DCAF5: variants seen among roughly 807,000 people sequenced by gnomAD.
DCAF5 encodes DDB1 and CUL4 associated factor 5, also known as DDB1- and CUL4-associated factor 5.
Under a neutral mutation model 80.7 loss-of-function variants are expected in DCAF5, and 9 were observed. The observed-to-expected ratio is 0.11, with a 90% confidence interval of 0.07 to 0.19. DCAF5 has a LOEUF of 0.19. Ranked by LOEUF, DCAF5 falls within the 10% of genes least tolerant of loss-of-function variation. The pLI is 1.00. For synonymous variants in DCAF5, 433 were observed against 461.9 expected (o/e 0.94, Z 0.80); for missense variants, 842 against 1,205.7 (o/e 0.70, Z 4.47).
At position 69,054,670 on chromosome 14, in the gene DCAF5, G is replaced by A; in HGVS notation, c.2016C>T (p.Ile672=). 2 of 1,614,232 alleles carry A rather than the reference G, an allele frequency of 1.2e-6. No individual in the cohort carries two copies. Among genetic ancestry groups the A allele is most frequent in the Non-Finnish European group, 8.5e-7 (1 of 1,180,038 alleles). The change falls in exon 9 of 9, where the codon ATC becomes ATT. Residue 672 remains isoleucine (I), a synonymous_variant. Transcript: ENST00000341516. ...KAYKWLRYSY[I]SYSNNKDGET... ...CTCCATCTTTGTTATTTGAGTAGGAGATATAAGAGTAGCGGAGCCACTTGT... is the reference window on the plus strand; with the variant it reads ...CTCCATCTTTGTTATTTGAGTAGGAAATATAAGAGTAGCGGAGCCACTTGT...
Position 69,066,949 on chromosome 14 carries a change from T to A in DCAF5, c.947-4438A>T, listed in dbSNP as rs569154220. Among the ~76,000 whole-genome samples, 19 of 152,358 alleles carry A rather than the reference T, an allele frequency of 1.2e-4. No individual in the cohort carries two copies. In the South Asian group the frequency reaches 3.9e-3, roughly 32 times the overall value. ...AAGCTGAAAGCAATGTGGTCAAGAT[T>A]TCTTGATGTCTTGGTCTAATAGCAA... On this transcript the variant is annotated intron_variant, in intron 7 of 8. Coordinates refer to ENST00000341516, the MANE Select transcript of DCAF5 (RefSeq NM_003861.3).
chr14:69,122,121 T>C (rs2040741517), intron 2 of DCAF5, 96 bp downstream of exon 2: 1 of 1,446,390 alleles, frequency 6.9e-7, no homozygotes, highest in African/African-American at 1.4e-5. Flanking sequence ...CACAGCTCAA[T>C]GAAATACAGG....
chr14:69,122,047 C>T (rs1465756801), intron 2 of DCAF5, among the ~76,000 whole-genome samples, 170 bp downstream of exon 2: 1 of 152,138 alleles, frequency 6.6e-6, no homozygotes, highest in Non-Finnish European at 1.5e-5. Flanking sequence ...AAAAGACACA[C>T]ACTATCCTAA....
At chr14:69,058,083 G>A (rs532077769) in intron 8 of DCAF5, among the ~76,000 whole-genome samples, 1 of 152,276 alleles carries the variant, frequency 6.6e-6, no homozygotes, top group South Asian at 2.1e-4. Context: ...AACATTATAA[G>A]TACTGACCGT....
At chr14:69,056,214 C>T (rs1037012475) in intron 8 of DCAF5, among the ~76,000 whole-genome samples, 1 of 152,198 alleles carries the variant, frequency 6.6e-6, no homozygotes, top group African/African-American at 2.4e-5. Context: ...CACTGCAGTT[C>T]CCTCTTGGAC....
intron 1 of DCAF5, among the ~76,000 whole-genome samples, chr14:69,134,823 T>G (rs112610997): frequency 0.017 from 2,622 of 152,304 alleles, 37 homozygotes; most frequent in South Asian, 0.034. Context: ...CATAATACAT[T>G]GGTCCAAGTG....
intron 8 of DCAF5, among the ~76,000 whole-genome samples, chr14:69,056,272 C>T (rs1475513579): frequency 6.6e-6 from 1 of 152,182 alleles, no homozygotes; most frequent in African/African-American, 2.4e-5. Context: ...AACCAGGGAG[C>T]TGCTGGCTTA....
intron 7 of DCAF5, among the ~76,000 whole-genome samples, chr14:69,065,638 G>A (rs1368910505): frequency 6.6e-6 from 1 of 152,172 alleles, no homozygotes; most frequent in African/African-American, 2.4e-5. Context: ...TCCCAGGTTT[G>A]ATATTATTGA....
chr14:69,068,605 G>A (rs1442817291), intron 7 of DCAF5, among the ~76,000 whole-genome samples: 1 of 150,874 alleles, frequency 6.6e-6, no homozygotes, highest in African/African-American at 2.5e-5. Context: ...GGCTGAGGCA[G>A]GAAAATAGCT....
rs3044674 is a variant in DCAF5, at chr14:69,112,594, TACACACAC to T, written c.665+3764_665+3771del. 2.3e-3 allele frequency among the ~76,000 whole-genome samples: 340 copies of T among 145,238 alleles called. 1 individual carries two copies. The highest frequency in any genetic ancestry group is 6.8e-3 in the African/African-American group (260 of 38,310). ...AAAGGGGAAGGATGATATATATGTA[TACACACAC>T]ACACACACACACACACACACACACA... On this transcript the variant is annotated intron_variant, in intron 5 of 8. Coordinates refer to ENST00000341516, the MANE Select transcript of DCAF5 (RefSeq NM_003861.3).
intron 1 of DCAF5, among the ~76,000 whole-genome samples, chr14:69,126,535 A>T (rs2040880410): frequency 6.6e-6 from 1 of 152,198 alleles, no homozygotes; most frequent in African/African-American, 2.4e-5. Flanking sequence ...AATTCTCAGC[A>T]AATTCATTTT....
rs1267037363 is a variant in DCAF5 at position 69,053,897 on chromosome 14, T to A, written c.2789A>T (p.Asp930Val). Residue 930 changes from aspartate to valine, a missense_variant, in exon 9 of 9, where the codon GAT becomes GTT. By Grantham distance (152) the Asp-to-Val change is radical. Transcript: ENST00000341516. ...KRQRIELEDT[D>V]SENSSSEKKL... ...CTTCTCTGAGGAGGAATTCTCTGAA[T>A]CTGTATCTTCCAATTCAATTCGTTG... 1 of 1,611,010 alleles carries A rather than the reference T, an allele frequency of 6.2e-7. No individual in the cohort carries two copies. The highest frequency in any genetic ancestry group is 8.5e-7 in the Non-Finnish European group (1 of 1,179,476).
At chr14:69,121,713 G>C (rs1047602566) in intron 2 of DCAF5, among the ~76,000 whole-genome samples, 7 of 152,180 alleles carry the variant, frequency 4.6e-5, no homozygotes, top group African/African-American at 1.7e-4. Flanking sequence ...GTCAGAAGGA[G>C]TATGGTTGAT....
chr14:69,059,305 G>A (rs1197782229), intron 8 of DCAF5, among the ~76,000 whole-genome samples: 1 of 152,154 alleles, frequency 6.6e-6, no homozygotes, highest in Non-Finnish European at 1.5e-5. Flanking sequence ...TGACAATAGG[G>A]ACTCTTCTCC....
intron 5 of DCAF5, among the ~76,000 whole-genome samples, chr14:69,113,916 CA>C (rs1254722200): frequency 6.6e-6 from 1 of 152,028 alleles, no homozygotes; most frequent in Non-Finnish European, 1.5e-5. Context: ...TCTTTTATTC[CA>C]AAAAGAAATT....
intron 5 of DCAF5, among the ~76,000 whole-genome samples, chr14:69,095,593 G>A (rs530878961): frequency 1.4e-4 from 21 of 152,082 alleles, no homozygotes; most frequent in African/African-American, 4.8e-4. Context: ...CTTCTTTATT[G>A]CTCTGGTGGG....
chr14:69,075,280 G>T, intron 7 of DCAF5, 65 bp downstream of exon 7: 4 of 1,356,712 alleles, frequency 2.9e-6, no homozygotes, highest in South Asian at 1.3e-5. Context: ...TCCCCTCAGG[G>T]CACAGCATGC....
chr14:69,083,442 G>A (rs2039193238), intron 6 of DCAF5: 1 of 322,112 alleles, frequency 3.1e-6, no homozygotes, highest in Non-Finnish European at 6.0e-6. Flanking sequence ...AGATCAAGAA[G>A]TGGAACCTCA....
chr14:69,096,896 A>G (rs2039733745), intron 5 of DCAF5, among the ~76,000 whole-genome samples: 1 of 152,088 alleles, frequency 6.6e-6, no homozygotes, highest in Admixed American at 6.6e-5. Context: ...TAAAACTGGG[A>G]AGAGTTCAAT....
Sources: gnomAD v4.1 joint callset for allele counts (sites outside exome capture counted in the v4.1 genomes callset) on GRCh38, gnomAD v4.1.1 for gene constraint, MANE v1.5 for transcripts, NCBI Gene and HGNC (gene_info 2026-07-23, HGNC 2026-07-21) for gene names.